Variants in GMPS observed in about 807,000 individuals in gnomAD.
The protein encoded by GMPS is guanosine monophosphate synthase, also known as GMP synthase [glutamine-hydrolyzing].
A neutral mutation model predicts 77.9 loss-of-function variants in GMPS; 15 were observed. The ratio of observed to expected loss-of-function variants is 0.19; its 90% CI spans 0.13 to 0.30. The LOEUF is 0.30. Ranked by LOEUF, GMPS falls within the 10% of genes least tolerant of loss-of-function variation. The pLI, the probability that GMPS is intolerant of heterozygous loss-of-function variation, is 1.00. For synonymous variants in GMPS, 224 were observed against 275.9 expected (o/e 0.81, Z 1.86); for missense variants, 590 against 838.8 (o/e 0.70, Z 3.66).
At chr3:155,912,370 A>G (rs908297182) in intron 7 of GMPS, among the ~76,000 whole-genome samples, 1 of 152,224 alleles carries the variant, frequency 6.6e-6, no homozygotes, top group Non-Finnish European at 1.5e-5. Context: ...TGTTTAAGCT[A>G]GGGGGGTCTC....
intron 12 of GMPS, among the ~76,000 whole-genome samples, chr3:155,930,053 T>G (rs1216217054): frequency 6.9e-6 from 1 of 143,988 alleles, no homozygotes; most frequent in Non-Finnish European, 1.5e-5. Context: ...CATCGCCAAG[T>G]CAATCCTAAG....
At chr3:155,875,380 G>A (rs1754020046) in intron 1 of GMPS, among the ~76,000 whole-genome samples, 1 of 151,934 alleles carries the variant, frequency 6.6e-6, no homozygotes, top group South Asian at 2.1e-4. Context: ...AAATGCGCAT[G>A]CCGCCGTGCC....
intron 14 of GMPS, among the ~76,000 whole-genome samples, chr3:155,935,259 C>T (rs1311319175): frequency 1.3e-5 from 2 of 152,222 alleles, no homozygotes; most frequent in East Asian, 3.8e-4. Flanking sequence ...TCTTGGTTCA[C>T]TTCAGCCTCT....
At chr3:155,935,074 C>T (rs1755729698) in intron 14 of GMPS, 28 bp downstream of exon 14, 2 of 1,539,828 alleles carry the variant, frequency 1.3e-6, no homozygotes, top group Non-Finnish European at 1.8e-6. Context: ...TTGATTACTA[C>T]CCTCTGAAAC....
intron 1 of GMPS, among the ~76,000 whole-genome samples, chr3:155,877,538 A>G (rs1754080732): frequency 6.6e-6 from 1 of 151,740 alleles, no homozygotes; most frequent in African/African-American, 2.4e-5. Flanking sequence ...AAGGGTCCCC[A>G]TTTTCCTGCA....
At chr3:155,928,019 C>CTTTTTTTTTTTTTTTTT (rs35962523) in intron 12 of GMPS, among the ~76,000 whole-genome samples, 1 of 67,842 alleles carries the variant, frequency 1.5e-5, no homozygotes, top group Non-Finnish European at 2.5e-5. Flanking sequence ...GCATTTTACA[C>CTTTTTTTTTTTTTTTTT]TTTTTTTTTT....
At chr3:155,930,697 T>G (rs1013010393) in intron 12 of GMPS, among the ~76,000 whole-genome samples, 14 of 152,244 alleles carry the variant, frequency 9.2e-5, no homozygotes, top group Non-Finnish European at 2.1e-4. Context: ...AATTAACTTT[T>G]AAGCTGATAC....
At chr3:155,910,138 C>T (rs967706809) in intron 5 of GMPS, among the ~76,000 whole-genome samples, 19 of 151,670 alleles carry the variant, frequency 1.3e-4, no homozygotes, top group South Asian at 8.4e-4. Context: ...TCCAGCTACT[C>T]GGGAGGCTGA....
At chr3:155,916,629 A>G (rs1398875222) in intron 9 of GMPS, among the ~76,000 whole-genome samples, 2 of 152,136 alleles carry the variant, frequency 1.3e-5, no homozygotes, top group Non-Finnish European at 2.9e-5. Flanking sequence ...ATAATATTCC[A>G]TCTTATGGGT....
At chr3:155,895,305 T>TA (rs1373837988) in intron 2 of GMPS, 2 of 152,146 alleles carry the variant, frequency 1.3e-5, no homozygotes, top group Non-Finnish European at 2.9e-5. Context: ...TATTTTTATT[T>TA]TTTTTTTATT....
At chr3:155,884,679 A>G (rs1754289011) in intron 1 of GMPS, among the ~76,000 whole-genome samples, 1 of 152,140 alleles carries the variant, frequency 6.6e-6, no homozygotes, top group Non-Finnish European at 1.5e-5. Context: ...GAATTGTTCT[A>G]TTTTCTTACC....
At position 155,939,306 on chromosome 3, in the gene GMPS, C is replaced by T. The variant is rs1755835233; in HGVS notation, c.*1614C>T. The T allele has an allele frequency of 4.7e-6, 1 of 214,972 alleles. No individual in the cohort carries two copies. The highest frequency in any genetic ancestry group is 9.4e-6 in the Non-Finnish European group (1 of 106,628). The allele number at this position is 214,972 out of a possible 1,614,324, so 13.3% of individuals were successfully genotyped here. ...TTATTTGAAAGCTAGAATAGACAAC[C>T]TATAAAATGCTTACCAACATGTGTC... is the stretch of plus-strand genomic sequence containing the variant. On this transcript the variant is annotated 3_prime_UTR_variant, in exon 16 of 16. Transcript: ENST00000496455.
intron 1 of GMPS, among the ~76,000 whole-genome samples, chr3:155,884,039 A>C (rs537707392): frequency 6.6e-6 from 1 of 151,610 alleles, no homozygotes; most frequent in African/African-American, 2.4e-5. Flanking sequence ...AGCTATAATA[A>C]AGATTTTAAT....
At chr3:155,891,175 G>A (rs759735282) in intron 1 of GMPS, among the ~76,000 whole-genome samples, 2 of 152,170 alleles carry the variant, frequency 1.3e-5, no homozygotes, top group Non-Finnish European at 2.9e-5. Context: ...TTGGGGACTG[G>A]TAATTAACTA....
At chr3:155,872,004 T>TA (rs1753917610) in intron 1 of GMPS, among the ~76,000 whole-genome samples, 1 of 152,212 alleles carries the variant, frequency 6.6e-6, no homozygotes, top group African/African-American at 2.4e-5. Flanking sequence ...TTTACTTCAT[T>TA]AAGATACACC....
At chr3:155,878,367 A>G (rs1325973133) in intron 1 of GMPS, among the ~76,000 whole-genome samples, 1 of 152,154 alleles carries the variant, frequency 6.6e-6, no homozygotes, top group Non-Finnish European at 1.5e-5. Flanking sequence ...CTAATATTCC[A>G]TTGTATGTAT....
chr3:155,873,635 G>GTTTTTTTTTTTTT (rs1340921688), intron 1 of GMPS, among the ~76,000 whole-genome samples: 4 of 32,710 alleles, frequency 1.2e-4, no homozygotes, highest in Non-Finnish European at 2.6e-4. Flanking sequence ...ACATGAGTAA[G>GTTTTTTTTTTTTT]TTCTTTTTTT....
chr3:155,872,930 A>G (rs191039198), intron 1 of GMPS, among the ~76,000 whole-genome samples: 57 of 152,350 alleles, frequency 3.7e-4, no homozygotes, highest in African/African-American at 1.3e-3. Flanking sequence ...TTTTAAGTAA[A>G]GAGATATTAA....
chr3:155,905,654 C>T (rs191821928), intron 4 of GMPS, among the ~76,000 whole-genome samples: 2 of 152,176 alleles, frequency 1.3e-5, no homozygotes, highest in Admixed American at 1.3e-4. Flanking sequence ...TTTTGTATCT[C>T]CCTACTCTTA....
Sources: allele counts gnomAD v4.1 joint callset (sites outside exome capture counted in the v4.1 genomes callset), GRCh38; gene constraint gnomAD v4.1.1; transcripts MANE v1.5; gene names NCBI Gene and HGNC (gene_info 2026-07-23, HGNC 2026-07-21).